ARHGAP11A: variants seen among roughly 807,000 people sequenced by gnomAD.
ARHGAP11A encodes the protein Rho GTPase activating protein 11A, also known as rho GTPase-activating protein 11A.
ARHGAP11A carries 36 observed loss-of-function variants against 60.5 expected under a neutral mutation model. The observed-to-expected ratio is 0.59, with a 90% CI of 0.46 to 0.79. The LOEUF is 0.79. Among genes scored for constraint, ARHGAP11A ranks in the 30% least tolerant of loss-of-function variants. The probability of loss-of-function intolerance (pLI) is 0.00; values close to 1 mark genes in which losing one functional copy is unlikely to be tolerated. For synonymous variants in ARHGAP11A, 362 were observed against 415.5 expected (o/e 0.87, Z 1.57); for missense variants, 1,071 against 1,199.2 (o/e 0.89, Z 1.58).
At position 32,638,352 on chromosome 15, in the gene ARHGAP11A, T is replaced by C. The variant is rs1293725926; in HGVS notation, c.*507T>C. 2 of 152,458 alleles carry C rather than the reference T, an allele frequency of 1.3e-5. No homozygotes were observed. Among genetic ancestry groups the C allele is most frequent in the African/African-American group, 4.8e-5 (2 of 41,452 alleles). 9.4% of individuals were successfully genotyped at this position (152,458 alleles called of 1,614,324 possible). On this transcript the variant is annotated 3_prime_UTR_variant, in exon 12 of 12. Transcript: ENST00000361627. ...TCCCAAAGTGCTGGGATTACAGGCA[T>C]GAGCCACCACGCCCGGCTAGACTTT...
chr15:32,620,256 G>A, intron 2 of ARHGAP11A, 78 bp downstream of exon 2: 1 of 1,608,994 alleles, frequency 6.2e-7, no homozygotes, highest in Non-Finnish European at 8.5e-7. Flanking sequence ...AGGCCGAGGT[G>A]GGCAAATCAC....
At chr15:32,616,774 A>AC (rs2053163053) in intron 1 of ARHGAP11A, among the ~76,000 whole-genome samples, 1 of 152,068 alleles carries the variant, frequency 6.6e-6, no homozygotes, top group Admixed American at 6.6e-5. Context: ...CAAAAACTCT[A>AC]CCCCTCCACC....
chr15:32,624,117 A>G, intron 3 of ARHGAP11A, 56 bp from the exon 4 acceptor site: 3 of 1,607,432 alleles, frequency 1.9e-6, no homozygotes, highest in Non-Finnish European at 2.5e-6. Flanking sequence ...AAGATACTTT[A>G]TTTGCAATAA....
rs765025708 is a variant in ARHGAP11A, at chr15:32,616,515, T to C, written c.129+175T>C. On this transcript the variant is annotated intron_variant, in intron 1 of 11. Coordinates refer to ENST00000361627, the MANE Select transcript of ARHGAP11A (RefSeq NM_014783.6). ...TAAAAAGTGACATTCTTGTTTTTTT[T>C]CCCCCAAGGATTTTTGATCATTGAG... Among the ~76,000 whole-genome samples the C allele has an allele frequency of 1.6e-4, 24 of 152,202 alleles. 1 individual carries two copies. The highest frequency in any genetic ancestry group is 2.4e-4 in the Non-Finnish European group (16 of 68,032).
chr15:32,616,764 CA>C (rs768610615), intron 1 of ARHGAP11A, among the ~76,000 whole-genome samples: 18 of 152,142 alleles, frequency 1.2e-4, no homozygotes, highest in Non-Finnish European at 2.4e-4. Flanking sequence ...TTGGGAGGGA[CA>C]AAAACTCTAC....
intron 8 of ARHGAP11A, 127 bp from the exon 9 acceptor site, chr15:32,632,852 A>G: frequency 1.1e-6 from 1 of 880,142 alleles, no homozygotes; most frequent in Non-Finnish European, 1.6e-6. Context: ...CTAACCAGAA[A>G]TTAAGTGATT....
At position 32,629,744 on chromosome 15, in the gene ARHGAP11A, A is replaced by G. The variant is rs776387191; in HGVS notation, c.1087A>G (p.Ser363Gly). The stretch of plus-strand genomic sequence containing the variant: ...GTTGCCAAGTAATCTCTTCAATAGC[A>G]GTTCTACACCGGTATCAGGTAGCAA... ...ELLPSNLFNS[S>G]STPVSVHIDT... is the part of the protein sequence containing the mutation. The change falls in exon 8 of 12, where the codon AGT becomes GGT. Residue 363 changes from serine (S) to glycine (G), a missense_variant. This residue lies in a region of ARHGAP11A where 196 missense variants were observed against 272.1 expected (regional missense o/e 0.72). Transcript: ENST00000361627. 18 of 1,609,498 alleles carry G rather than the reference A, an allele frequency of 1.1e-5. No homozygotes were observed. The highest frequency in any genetic ancestry group is 1.5e-5 in the Non-Finnish European group (18 of 1,178,746).
In ARHGAP11A at chr15:32,637,455, A is replaced by C; in HGVS notation, c.2682A>C (p.Ser894=). The C allele has an allele frequency of 6.2e-7, 1 of 1,614,094 alleles. No individual in the cohort carries two copies. Among genetic ancestry groups the C allele is most frequent in the Non-Finnish European group, 8.5e-7 (1 of 1,180,038 alleles). Residue 894 remains serine (S), a synonymous_variant, in exon 12 of 12, where the codon TCA becomes TCC. Transcript: ENST00000361627. ...IESASKDSSV[S]CIKSGPKEQK... is the part of the protein sequence containing the mutation. ...GTGCATCAAAAGATTCCTCTGTTTC[A>C]TGTATCAAATCAGGTCCTAAAGAAC... is the stretch of plus-strand genomic sequence containing the variant.
chr15:32,635,153 C>T (rs1007518544), intron 10 of ARHGAP11A, among the ~76,000 whole-genome samples: 2 of 152,198 alleles, frequency 1.3e-5, no homozygotes, highest in Non-Finnish European at 2.9e-5. Flanking sequence ...CTCCTCCAGT[C>T]CCCCTTGCTC....
chr15:32,629,643 C>A lies in ARHGAP11A; in HGVS notation c.986C>A (p.Thr329Lys). Reference sequence around the variant, plus strand: ...ATTCTTACACCAAATGCTAAGCGTACATTGCCAGTAGATTCTTCTCATGGT... The same window carrying A: ...ATTCTTACACCAAATGCTAAGCGTAAATTGCCAGTAGATTCTTCTCATGGT... ...PVILTPNAKR[T>K]LPVDSSHGFS... is the part of the protein sequence containing the mutation. Residue 329 changes from threonine (T) to lysine (K), a missense_variant, in exon 8 of 12, where the codon ACA (threonine) becomes AAA (lysine). Coordinates refer to ENST00000361627, the MANE Select transcript of ARHGAP11A (RefSeq NM_014783.6). 6.2e-7 allele frequency: 1 copy of A among 1,613,446 alleles called. No homozygotes were observed. Among genetic ancestry groups the A allele is most frequent in the Non-Finnish European group, 8.5e-7 (1 of 1,179,722 alleles).
intron 11 of ARHGAP11A, 109 bp from the exon 12 acceptor site, chr15:32,636,148 A>G (rs1242139611): frequency 1.4e-6 from 2 of 1,439,936 alleles, no homozygotes; most frequent in Non-Finnish European, 1.8e-6. Flanking sequence ...TTGTAACACA[A>G]ATACTTTATT....
At position 32,636,524 on chromosome 15, in the gene ARHGAP11A, T is replaced by A; in HGVS notation, c.1751T>A (p.Leu584His). The change falls in exon 12 of 12, where the codon CTT becomes CAT. Residue 584 changes from leucine to histidine, a missense_variant. By Grantham distance (99) the Leu-to-His change is moderately conservative. Around this residue, in one of 4 missense-constraint regions of ARHGAP11A, gnomAD observed 776 missense variants for 760.2 expected, o/e 1.02. Transcript: ENST00000361627. ...KHNSNITSSP[L>H]SGDENNMTKE... The stretch of plus-strand genomic sequence containing the variant: ...AATAGCAACATAACAAGTAGCCCTC[T>A]TAGCGGGGATGAAAATAACATGACC... 2 of 1,614,094 alleles carry A rather than the reference T, an allele frequency of 1.2e-6. No homozygotes were observed. The highest frequency in any genetic ancestry group is 1.7e-6 in the Non-Finnish European group (2 of 1,179,978).
At chr15:32,618,558 C>T (rs2053216800) in intron 1 of ARHGAP11A, among the ~76,000 whole-genome samples, 1 of 152,158 alleles carries the variant, frequency 6.6e-6, no homozygotes, top group Non-Finnish European at 1.5e-5. Flanking sequence ...ACCTCTATGA[C>T]TTAGGATCTG....
Position 32,624,309 on chromosome 15 carries a change from A to G in ARHGAP11A, c.434A>G (p.Gln145Arg). Residue 145 changes from glutamine (Q) to arginine (R), a missense_variant, in exon 4 of 12, where the codon CAA (glutamine) becomes CGA (arginine). By Grantham distance (43) the Gln-to-Arg change is conservative. Transcript: ENST00000361627. Reference sequence around the variant, plus strand: ...TTGCATGAAGCACTTTTGAAAGCTCAACAGTTAGGCACAGAGGAAAAGAAT... The same window carrying G: ...TTGCATGAAGCACTTTTGAAAGCTCGACAGTTAGGCACAGAGGAAAAGAAT... ...ADLHEALLKA[Q>R]QLGTEEKNKA... The G allele has an allele frequency of 6.2e-7, 1 of 1,613,912 alleles. No homozygotes were observed. Among genetic ancestry groups the G allele is most frequent in the Non-Finnish European group, 8.5e-7 (1 of 1,179,866 alleles).
rs778745127 is a variant in ARHGAP11A, at chr15:32,636,824, G to C, written c.2051G>C (p.Arg684Thr). 6.2e-7 allele frequency: 1 copy of C among 1,607,436 alleles called. No individual in the cohort carries two copies. Among genetic ancestry groups the C allele is most frequent in the Non-Finnish European group, 8.5e-7 (1 of 1,178,464 alleles). The part of the protein sequence containing the change: ...FSPLQTQTFN[R>T]ETTIKCYSTQ... ...CCCCTTCAAACTCAAACATTTAATA[G>C]AGAAACAACTATAAAATGTTATTCA... The change falls in exon 12 of 12, where the codon AGA (arginine) becomes ACA (threonine). Residue 684 changes from arginine (R) to threonine (T), a missense_variant. By Grantham distance (71) the Arg-to-Thr change is moderately conservative (BLOSUM62 -1). Transcript: ENST00000361627.
In ARHGAP11A at chr15:32,623,571, C is replaced by T. The variant is rs752987597; in HGVS notation, c.280C>T (p.Arg94Cys). The change falls in exon 3 of 12, where the codon CGC becomes TGC. Residue 94 changes from arginine (R) to cysteine (C), a missense_variant. Around this residue, in one of 4 missense-constraint regions of ARHGAP11A, gnomAD observed 71 missense variants for 142.4 expected, o/e 0.50. Transcript: ENST00000361627. ...GLFRKSGSVI[R>C]LKALKNKVDH... Reference sequence around the variant, plus strand: ...TTTTCGGAAATCAGGATCTGTGATTCGCCTAAAAGCACTAAAGGTGAGCAT... The same window carrying T: ...TTTTCGGAAATCAGGATCTGTGATTTGCCTAAAAGCACTAAAGGTGAGCAT... 5.6e-6 allele frequency: 9 copies of T among 1,613,806 alleles called. No individual in the cohort carries two copies. Among genetic ancestry groups the T allele is most frequent in the Middle Eastern group, 1.6e-4 (1 of 6,080 alleles).
At chr15:32,632,828 GACACTTGAA>G (rs1270686427) in intron 8 of ARHGAP11A, 142 bp from the exon 9 acceptor site, 1 of 684,792 alleles carries the variant, frequency 1.5e-6, no homozygotes, top group Non-Finnish European at 2.3e-6. Flanking sequence ...TGGGTTATTT[GACACTTGAA>G]GTTTCTAACC....
At chr15:32,618,758 A>ACCCCCCCCCCCC (rs57091917) in intron 1 of ARHGAP11A, among the ~76,000 whole-genome samples, 391 of 117,502 alleles carry the variant, frequency 3.3e-3, no homozygotes, top group Non-Finnish European at 4.4e-3. Flanking sequence ...ACACGGTGAA[A>ACCCCCCCCCCCC]CCCCCCCCCC....
chr15:32,626,029 T>C (rs921220059), intron 6 of ARHGAP11A, among the ~76,000 whole-genome samples: 6 of 151,986 alleles, frequency 3.9e-5, no homozygotes, highest in African/African-American at 9.7e-5. Context: ...ATGTCTAATG[T>C]AGATAGTGCA....
Sources: gnomAD v4.1 joint callset for allele counts (sites outside exome capture counted in the v4.1 genomes callset) on GRCh38, gnomAD v4.1.1 for gene constraint, gnomAD v4.1.1 regional missense constraint, MANE v1.5 for transcripts, NCBI Gene and HGNC (gene_info 2026-07-23, HGNC 2026-07-21) for gene names.